Variants in DDX17 observed in about 807,000 individuals in gnomAD.
DDX17 encodes the protein probable ATP-dependent RNA helicase DDX17.
A neutral mutation model predicts 80.8 loss-of-function variants in DDX17; 10 were observed. The ratio of observed to expected loss-of-function variants is 0.12; its 90% CI spans 0.08 to 0.21. The LOEUF (loss-of-function observed/expected upper bound fraction) is 0.21. DDX17 is among the 10% of genes least tolerant of loss of function. DDX17 has a pLI of 1.00. For missense variants in DDX17, 586 were observed against 957.4 expected (o/e 0.61, Z 5.12); for synonymous variants, 339 against 336.2 (o/e 1.01, Z -0.09).
chr22:38,488,314 T>C (rs2089681826), intron 11 of DDX17, 199 bp from the exon 12 acceptor site: 4 of 1,467,182 alleles, frequency 2.7e-6, no homozygotes, highest in Non-Finnish European at 3.6e-6. Flanking sequence ...TCCTGGGACA[T>C]GCATAGGAAA....
chr22:38,494,070 C>T lies in DDX17; in HGVS notation c.1276G>A (p.Glu426Lys), dbSNP rs1168748145. 1 of 1,613,958 alleles carries T rather than the reference C, an allele frequency of 6.2e-7. No individual in the cohort carries two copies. The highest frequency in any genetic ancestry group is 1.7e-5 in the Admixed American group (1 of 59,998). Reference sequence around the variant, plus strand: ...AGATCATCACAGCGTCTCTTTGTCTCCACAAATATTATTGTTTTGTTTTCC... The same window carrying T: ...AGATCATCACAGCGTCTCTTTGTCTTCACAAATATTATTGTTTTGTTTTCC... The change falls in exon 9 of 13, where the codon GAG (glutamate) becomes AAG (lysine). Residue 426 changes from glutamate to lysine, a missense_variant. Coordinates refer to ENST00000403230, the MANE Select transcript of DDX17 (RefSeq NM_006386.5).
chr22:38,490,559 A>G (rs929132145), intron 11 of DDX17: 11 of 744,324 alleles, frequency 1.5e-5, no homozygotes, highest in Non-Finnish European at 2.1e-5. Context: ...AAGGATGACT[A>G]TTATAAAATT....
Position 38,486,156 on chromosome 22 carries a change from C to A in DDX17, c.1969G>T (p.Ala657Ser). ...GTGCTACTAGCTCCATAAGTGCCAG[C>A]ACCATATTCTTGAGCTGTATAGCTA... The change falls in exon 13 of 13, where the codon GCT becomes TCT. Residue 657 changes from alanine to serine, a missense_variant. This residue lies in a region of DDX17 where 221 missense variants were observed against 261.4 expected (regional missense o/e 0.85). Transcript: ENST00000403230. 6.2e-7 allele frequency: 1 copy of A among 1,614,190 alleles called. No homozygotes were observed. The highest frequency in any genetic ancestry group is 8.5e-7 in the Non-Finnish European group (1 of 1,180,038).
chr22:38,498,782 T>A (rs1302432731), intron 3 of DDX17, among the ~76,000 whole-genome samples: 1 of 152,158 alleles, frequency 6.6e-6, no homozygotes, highest in African/African-American at 2.4e-5. Flanking sequence ...CCCATCACTT[T>A]GGGAGGCTGA....
At position 38,488,134 on chromosome 22, in the gene DDX17, G is replaced by T. The variant is rs185515179; in HGVS notation, c.1448-19C>A. 72 of 1,614,124 alleles carry T rather than the reference G, an allele frequency of 4.5e-5. No individual in the cohort carries two copies. In the African/African-American group the frequency reaches 9.2e-4, roughly 21 times the overall value. On this transcript the variant is annotated intron_variant, in intron 11 of 12. Transcript: ENST00000403230. ...TCCACATCTTCCACGTCAATGATGA[G>T]TCAGTGTGTAGGTTGATGTGGCAGG...
chr22:38,505,635 G>A (rs2089873272), intron 1 of DDX17: 2 of 302,408 alleles, frequency 6.6e-6, no homozygotes, highest in African/African-American at 4.4e-5. Context: ...AACCAGGCGA[G>A]GCGCCAAAGC....
chr22:38,500,020 T>A (rs1031283248), intron 2 of DDX17, among the ~76,000 whole-genome samples: 21 of 148,762 alleles, frequency 1.4e-4, no homozygotes, highest in African/African-American at 5.2e-4. Context: ...AAAAAATAAA[T>A]AATAAATGAA....
chr22:38,502,867 T>C (rs2089844290), intron 1 of DDX17, among the ~76,000 whole-genome samples: 1 of 152,244 alleles, frequency 6.6e-6, no homozygotes, highest in Non-Finnish European at 1.5e-5. Context: ...TCATCTTATA[T>C]AAAGTTCCAC....
At position 38,506,059 on chromosome 22, in the gene DDX17, T is replaced by G. The variant is rs1295989875; in HGVS notation, c.179A>C (p.Gln60Pro). The G allele has an allele frequency of 6.3e-7, 1 of 1,584,996 alleles. No homozygotes were observed. Among genetic ancestry groups the G allele is most frequent in the Non-Finnish European group, 8.6e-7 (1 of 1,166,722 alleles). Residue 60 changes from glutamine (Q) to proline (P), a missense_variant, in exon 1 of 13, where the codon CAG becomes CCG. Transcript: ENST00000403230. ...ACGGATGGCCGGGCTCGGGAGGGCC[T>G]GCGGCTCCGGTCTGGTGACGACCGA...
At chr22:38,490,833 C>A (rs1398491875) in intron 11 of DDX17, 1 of 179,714 alleles carries the variant, frequency 5.6e-6, no homozygotes, top group Non-Finnish European at 1.2e-5. Context: ...ACTCGGGTAC[C>A]TTCCCTCTCC....
Position 38,489,575 on chromosome 22 carries a change from G to GC in DDX17, c.1448-1461dup. The GC allele has an allele frequency of 1.0e-6, 1 of 984,966 alleles. No homozygotes were observed. The highest frequency in any genetic ancestry group is 1.2e-6 in the Non-Finnish European group (1 of 829,708). 61.0% of individuals were successfully genotyped at this position (984,966 alleles called of 1,614,324 possible). A position where few individuals can be genotyped will look rare whatever the true frequency, so the allele number is the denominator to read the frequency against. ...TAAGTTACATCCAAAGGGTCAGACTGCATCTATTGCCCAGACTGGATTAAT... is the reference window on the plus strand; with the variant it reads ...TAAGTTACATCCAAAGGGTCAGACTGCCATCTATTGCCCAGACTGGATTAAT... On this transcript the variant is annotated intron_variant, in intron 11 of 12. Transcript: ENST00000403230. The surrounding 1 kb of genome is among the most constrained non-coding windows in gnomAD (Gnocchi z 4.6).
At chr22:38,503,067 AT>A (rs1280073561) in intron 1 of DDX17, among the ~76,000 whole-genome samples, 3 of 152,204 alleles carry the variant, frequency 2.0e-5, no homozygotes, top group African/African-American at 7.2e-5. Flanking sequence ...GGCTAATTCC[AT>A]TTATACCACT....
Position 38,486,364 on chromosome 22 carries a change from C to G in DDX17, c.1761G>C (p.Arg587Ser). The change falls in exon 13 of 13, where the codon AGG becomes AGC. Residue 587 changes from arginine (R) to serine (S), a missense_variant. Transcript: ENST00000403230. ...GGCCACCATCCTTGACTCCTCGAAG[C>G]CTTCGGTCACACTCATCCTGATACA... 6.2e-7 allele frequency: 1 copy of G among 1,614,186 alleles called. No homozygotes were observed. The highest frequency in any genetic ancestry group is 8.5e-7 in the Non-Finnish European group (1 of 1,180,024).
chr22:38,488,908 G>A (rs1569137559), intron 11 of DDX17: 3 of 985,234 alleles, frequency 3.0e-6, no homozygotes, highest in South Asian at 4.7e-5. Context: ...TTGTCTACGT[G>A]ACCTGGGAAA....
At chr22:38,499,301 A>G in intron 3 of DDX17, 99 bp downstream of exon 3, 1 of 889,642 alleles carries the variant, frequency 1.1e-6, no homozygotes, top group Non-Finnish European at 1.9e-6. Flanking sequence ...TGTCCTTTCA[A>G]CAAAACCCCA....
chr22:38,498,721 C>T (rs1015081597), intron 3 of DDX17, 148 bp from the exon 4 acceptor site: 27 of 824,022 alleles, frequency 3.3e-5, no homozygotes, highest in Admixed American at 7.8e-5. Context: ...GATCTCCGAC[C>T]AACTCACTGT....
chr22:38,495,246 ATTTTTTTT>A (rs138442), intron 6 of DDX17, among the ~76,000 whole-genome samples, 200 bp from the exon 7 acceptor site: 5 of 130,682 alleles, frequency 3.8e-5, no homozygotes, highest in Non-Finnish European at 7.9e-5. Context: ...CAGAGAAGCT[ATTTTTTTT>A]TTTTTTTTTG....
chr22:38,501,430 G>A, intron 1 of DDX17, 150 bp from the exon 2 acceptor site: 1 of 994,638 alleles, frequency 1.0e-6, no homozygotes, highest in Non-Finnish European at 1.4e-6. Flanking sequence ...TAAAGGTATG[G>A]AGAAATGTGT....
At chr22:38,495,536 C>T (rs1327525463) in intron 6 of DDX17, among the ~76,000 whole-genome samples, 1 of 152,158 alleles carries the variant, frequency 6.6e-6, no homozygotes, top group African/African-American at 2.4e-5. Flanking sequence ...TGAGCCACCG[C>T]ACTGGCCCAG....
Sources: allele counts gnomAD v4.1 joint callset (sites outside exome capture counted in the v4.1 genomes callset), GRCh38; gene constraint gnomAD v4.1.1; regional missense constraint gnomAD v4.1.1; non-coding constraint Gnocchi (gnomAD v3.1); transcripts MANE v1.5; gene names NCBI Gene and HGNC (gene_info 2026-07-23, HGNC 2026-07-21).